The following TAFA5 variants were observed in gnomAD, a reference collection of about 807,000 sequenced individuals.
The protein encoded by TAFA5 is chemokine-like protein TAFA-5.
Under a neutral mutation model 15.3 loss-of-function variants are expected in TAFA5, and 6 were observed. That is an observed-to-expected ratio of 0.39 (90% CI 0.21 to 0.77). TAFA5 has a LOEUF of 0.77. Among genes scored for constraint, TAFA5 ranks in the 30% least tolerant of loss-of-function variants. The pLI, the probability that TAFA5 is intolerant of heterozygous loss-of-function variation, is 0.41. For synonymous variants in TAFA5, 103 were observed against 80.7 expected (o/e 1.28, Z -1.48); for missense variants, 161 against 193.1 (o/e 0.83, Z 0.98).
Position 48,684,747 on chromosome 22 carries a change from G to C in TAFA5, c.263-22970G>C, listed in dbSNP as rs1017646246. On this transcript the variant is annotated intron_variant, in intron 2 of 3. Coordinates refer to ENST00000402357, the MANE Select transcript of TAFA5 (RefSeq NM_001082967.3). ...TGGGTAAAATCCCCCAAGAGCGGCT[G>C]AGAACTCCAATTCCTTGGAAATACA... Among the ~76,000 whole-genome samples the C allele has an allele frequency of 4.6e-5, 7 of 152,286 alleles. No individual in the cohort carries two copies. In the South Asian group the frequency reaches 1.4e-3, roughly 32 times the overall value.
At chr22:48,593,320 G>A (rs1924641717) in intron 1 of TAFA5, among the ~76,000 whole-genome samples, 1 of 152,172 alleles carries the variant, frequency 6.6e-6, no homozygotes, top group South Asian at 2.1e-4. Flanking sequence ...TTGCAGATGG[G>A]GAAATAGAGG....
At chr22:48,514,274 T>A (rs942218265) in intron 1 of TAFA5, among the ~76,000 whole-genome samples, 3 of 152,354 alleles carry the variant, frequency 2.0e-5, no homozygotes, top group Middle Eastern at 3.4e-3. Context: ...TGGTAGGCAT[T>A]GGAAAATTAA....
chr22:48,583,085 ACC>A (rs1176962014), intron 1 of TAFA5, among the ~76,000 whole-genome samples: 2 of 148,520 alleles, frequency 1.3e-5, no homozygotes, highest in African/African-American at 2.5e-5. Flanking sequence ...TACACCACAC[ACC>A]CCACACACAA....
chr22:48,538,904 G>A (rs569171705), intron 1 of TAFA5: 10 of 163,020 alleles, frequency 6.1e-5, no homozygotes, highest in Non-Finnish European at 1.3e-4. Context: ...ATCGTGTCAT[G>A]TTTATATCTG....
chr22:48,542,230 C>CTG (rs374100646), intron 1 of TAFA5, among the ~76,000 whole-genome samples: 2 of 101,092 alleles, frequency 2.0e-5, no homozygotes, highest in Non-Finnish European at 1.9e-5. Context: ...GGTGTGTGTG[C>CTG]TGTGTGTGTG....
At chr22:48,617,182 G>A (rs28751576) in intron 1 of TAFA5, among the ~76,000 whole-genome samples, 20,643 of 152,044 alleles carry the variant, frequency 0.14, 1,621 homozygotes, top group Non-Finnish European at 0.16. Context: ...AGATGGGGGC[G>A]TGACTGCGGC....
At chr22:48,599,515 T>A in intron 1 of TAFA5, among the ~76,000 whole-genome samples, 1 of 152,246 alleles carries the variant, frequency 6.6e-6, no homozygotes, top group East Asian at 1.9e-4. Context: ...AGACTCAGCA[T>A]GGCACAGAGA....
chr22:48,557,450 C>T (rs1923080204), intron 1 of TAFA5, among the ~76,000 whole-genome samples: 1 of 152,186 alleles, frequency 6.6e-6, no homozygotes, highest in African/African-American at 2.4e-5. Flanking sequence ...AGTTTCTGCC[C>T]TGAGCGATGC....
chr22:48,603,243 C>T (rs71314864), intron 1 of TAFA5, among the ~76,000 whole-genome samples: 7,861 of 152,290 alleles, frequency 0.052, 269 homozygotes, highest in Middle Eastern at 0.082. Context: ...TCCTCAGTTC[C>T]GGTAGGGGGA....
intron 1 of TAFA5, among the ~76,000 whole-genome samples, chr22:48,573,766 C>G (rs899570515): frequency 6.6e-6 from 1 of 152,150 alleles, no homozygotes; most frequent in South Asian, 2.1e-4. Flanking sequence ...ATTCTCTTTA[C>G]AGAAGGATCT....
chr22:48,636,497 C>G (rs972437180), intron 1 of TAFA5, among the ~76,000 whole-genome samples: 3 of 83,904 alleles, frequency 3.6e-5, no homozygotes, highest in South Asian at 4.0e-4. Flanking sequence ...AGCGATAAGA[C>G]TAAACATTAG....
chr22:48,559,970 T>A (rs551044061), intron 1 of TAFA5, among the ~76,000 whole-genome samples: 2 of 152,230 alleles, frequency 1.3e-5, no homozygotes, highest in South Asian at 2.1e-4. Flanking sequence ...GAGGCCAGAA[T>A]GCAGGGGTCC....
chr22:48,489,630 C>T lies in TAFA5; in HGVS notation c.38C>T (p.Ala13Val), dbSNP rs1224471929. The T allele has an allele frequency of 6.6e-7, 1 of 1,514,556 alleles. No individual in the cohort carries two copies. The highest frequency in any genetic ancestry group is 8.8e-7 in the Non-Finnish European group (1 of 1,130,540). 93.8% of individuals were successfully genotyped at this position (1,514,556 alleles called of 1,614,324 possible). A position where few individuals can be genotyped will look rare whatever the true frequency, so the allele number is the denominator to read the frequency against. The stretch of plus-strand genomic sequence containing the variant: ...CCCAGGACCGGCAGCCGGCAAGATG[C>T]GACCGCCCTGCCCAGCATGTCCTCA... ...PSPRTGSRQD[A>V]TALPSMSSTF... The change falls in exon 1 of 4, where the codon GCG (alanine) becomes GTG (valine). Residue 13 changes from alanine to valine, a missense_variant. By Grantham distance (64) the Ala-to-Val change is moderately conservative. Coordinates refer to ENST00000402357, the MANE Select transcript of TAFA5 (RefSeq NM_001082967.3). The surrounding 1 kb of genome is among the most constrained non-coding windows in gnomAD (Gnocchi z 5.5).
At chr22:48,637,982 CCTT>C (rs1926512174) in intron 1 of TAFA5, among the ~76,000 whole-genome samples, 1 of 152,080 alleles carries the variant, frequency 6.6e-6, no homozygotes, top group African/African-American at 2.4e-5. Context: ...GGAGTCTTGT[CCTT>C]CTAAACTGAC....
intron 2 of TAFA5, among the ~76,000 whole-genome samples, chr22:48,679,828 C>T (rs1334231637): frequency 2.0e-5 from 3 of 152,032 alleles, no homozygotes; most frequent in African/African-American, 2.4e-5. Flanking sequence ...TTCCATGAAG[C>T]GCCGCCCTCA....
chr22:48,656,949 A>G (rs1334486041), intron 2 of TAFA5, among the ~76,000 whole-genome samples: 1 of 151,746 alleles, frequency 6.6e-6, no homozygotes, highest in African/African-American at 2.4e-5. Flanking sequence ...TCTTCTATTT[A>G]TAGTAGAGAT....
At chr22:48,616,527 G>A (rs560513681) in intron 1 of TAFA5, among the ~76,000 whole-genome samples, 9 of 152,280 alleles carry the variant, frequency 5.9e-5, no homozygotes, top group South Asian at 4.1e-4. Context: ...GAGCCTGGCC[G>A]CTTGGGACAG....
rs868670048 is a variant in TAFA5, at chr22:48,750,917, C to G, written c.*1070C>G. The stretch of plus-strand genomic sequence containing the variant: ...GTCCCGGCCGTCCTGAGAGTCGGGC[C>G]GAGCCCCGTGTGTTTCTGAAGACTC... On this transcript the variant is annotated 3_prime_UTR_variant, in exon 4 of 4. Coordinates refer to ENST00000402357, the MANE Select transcript of TAFA5 (RefSeq NM_001082967.3). 15 of 152,436 alleles carry G rather than the reference C, an allele frequency of 9.8e-5. No homozygotes were observed. The highest frequency in any genetic ancestry group is 9.8e-4 in the Admixed American group (15 of 15,286). The allele number at this position is 152,436 out of a possible 1,614,324, so 9.4% of individuals were successfully genotyped here.
intron 1 of TAFA5, among the ~76,000 whole-genome samples, chr22:48,644,530 C>G (rs943495567): frequency 5.3e-5 from 8 of 152,172 alleles, no homozygotes; most frequent in African/African-American, 1.9e-4. Context: ...ACGGGCACTC[C>G]CCAGGGTTGA....
Sources: allele counts gnomAD v4.1 joint callset (sites outside exome capture counted in the v4.1 genomes callset), GRCh38; gene constraint gnomAD v4.1.1; non-coding constraint Gnocchi (gnomAD v3.1); transcripts MANE v1.5; gene names NCBI Gene and HGNC (gene_info 2026-07-23, HGNC 2026-07-21).